The following HNRNPC variants were observed in gnomAD, a reference collection of about 807,000 sequenced individuals.
The protein encoded by HNRNPC is heterogeneous nuclear ribonucleoprotein C, also known as heterogeneous nuclear ribonucleoproteins C1/C2.
A neutral mutation model predicts 33.2 loss-of-function variants in HNRNPC; 3 were observed. That is an observed-to-expected ratio of 0.09 (90% CI 0.04 to 0.23). The LOEUF is 0.23. HNRNPC is among the 10% of genes least tolerant of loss of function. The probability of loss-of-function intolerance (pLI) is 1.00; values close to 1 mark genes in which losing one functional copy is unlikely to be tolerated. For synonymous variants in HNRNPC, 121 were observed against 126.7 expected, an observed-to-expected ratio of 0.96 and a Z score of 0.30; for missense variants, 143 against 366.7, an observed-to-expected ratio of 0.39 and a Z score of 4.98.
rs762054503 is a variant in HNRNPC, at chr14:21,211,570, C to A, written c.638-4G>T. 1.2e-6 allele frequency: 2 copies of A among 1,603,916 alleles called. No individual in the cohort carries two copies. The highest frequency in any genetic ancestry group is 2.7e-5 in the African/African-American group (2 of 74,694). ...GACTTATCATTCTTCATCTCTACTG[C>A]GGATGAGAAGGACAAGTCTGTCTAG... On this transcript the variant is annotated splice_polypyrimidine_tract_variant and splice_region_variant and intron_variant, in intron 7 of 8. Coordinates refer to ENST00000553300, the MANE Select transcript of HNRNPC (RefSeq NM_004500.4).
At chr14:21,218,398 A>C (rs1486915120) in intron 5 of HNRNPC, among the ~76,000 whole-genome samples, 1 of 152,140 alleles carries the variant, frequency 6.6e-6, no homozygotes, top group Non-Finnish European at 1.5e-5. Context: ...AAAAAACTAA[A>C]ATTGAGGCTG....
intron 1 of HNRNPC, chr14:21,268,706 T>C (rs1360963595): frequency 6.6e-6 from 1 of 152,220 alleles, no homozygotes; most frequent in African/African-American, 2.4e-5. Context: ...TTAATATAGT[T>C]ATATCACAAT....
intron 5 of HNRNPC, among the ~76,000 whole-genome samples, chr14:21,225,071 T>C (rs2139577028): frequency 6.6e-6 from 1 of 152,246 alleles, no homozygotes; most frequent in South Asian, 2.1e-4. Context: ...AAGCCTGTTA[T>C]CAAACCTGCC....
chr14:21,256,637 G>T (rs1473639786), intron 2 of HNRNPC, among the ~76,000 whole-genome samples: 1 of 151,920 alleles, frequency 6.6e-6, no homozygotes, highest in Non-Finnish European at 1.5e-5. Flanking sequence ...ATTTTGAAGA[G>T]CTGACAGCAT....
At chr14:21,215,403 G>C (rs927031318) in intron 5 of HNRNPC, among the ~76,000 whole-genome samples, 1 of 152,178 alleles carries the variant, frequency 6.6e-6, no homozygotes, top group South Asian at 2.1e-4. Flanking sequence ...CTATGAGAAA[G>C]CTATACAATA....
Position 21,231,080 on chromosome 14 carries a change from A to G in HNRNPC, c.242-8T>C, listed in dbSNP as rs1841806723. On this transcript the variant is annotated splice_region_variant and splice_polypyrimidine_tract_variant and intron_variant, in intron 3 of 8. Coordinates refer to ENST00000553300, the MANE Select transcript of HNRNPC (RefSeq NM_004500.4). ...CTGCAGCCAGGTTAATATCTGAAAA[A>G]CAAAAGTAAAAATGTTAATGACAAC... 4.3e-6 allele frequency: 7 copies of G among 1,609,398 alleles called. No homozygotes were observed. Among genetic ancestry groups the G allele is most frequent in the African/African-American group, 1.3e-5 (1 of 74,684 alleles).
chr14:21,229,540 C>T (rs899378763), intron 5 of HNRNPC, among the ~76,000 whole-genome samples: 5 of 152,140 alleles, frequency 3.3e-5, no homozygotes, highest in Admixed American at 2.0e-4. Context: ...CTAATGACTA[C>T]GTACCATATT....
chr14:21,251,686 A>G (rs1290238548), intron 2 of HNRNPC, among the ~76,000 whole-genome samples: 6 of 152,206 alleles, frequency 3.9e-5, no homozygotes, highest in Admixed American at 3.9e-4. Context: ...TCAAAAAAAA[A>G]AGACACACGT....
chr14:21,230,328 T>C lies in HNRNPC; in HGVS notation c.356A>G (p.Tyr119Cys), dbSNP rs774834650. 1.1e-5 allele frequency: 17 copies of C among 1,606,278 alleles called. No individual in the cohort carries two copies. The highest frequency in any genetic ancestry group is 1.3e-5 in the African/African-American group (1 of 74,718). Reference sequence around the variant, plus strand: ...AAACATTTTAACATACCTATCATAATAGTCCCGTTGAAAGTCATAGTCCAA... The same window carrying C: ...AAACATTTTAACATACCTATCATAACAGTCCCGTTGAAAGTCATAGTCCAA... ...FDLDYDFQRDYYDRMYSYPAR... is the reference protein window; with the variant it reads ...FDLDYDFQRDCYDRMYSYPAR... Residue 119 changes from tyrosine to cysteine, a missense_variant, in exon 5 of 9, where the codon TAT becomes TGT. Around this residue, in one of 2 missense-constraint regions of HNRNPC, gnomAD observed 131 missense variants for 253.0 expected, o/e 0.52. Transcript: ENST00000553300.
At chr14:21,228,941 C>T (rs920751062) in intron 5 of HNRNPC, among the ~76,000 whole-genome samples, 1 of 151,220 alleles carries the variant, frequency 6.6e-6, no homozygotes, top group Admixed American at 6.6e-5. Context: ...AAAAATTAGC[C>T]GGGAGTGGTG....
chr14:21,244,402 G>A (rs1054802831), intron 2 of HNRNPC, among the ~76,000 whole-genome samples: 1 of 152,186 alleles, frequency 6.6e-6, no homozygotes, highest in Non-Finnish European at 1.5e-5. Context: ...AAAACATCTC[G>A]ATGTAAAAAA....
At chr14:21,229,085 TAAA>T (rs56112804) in intron 5 of HNRNPC, among the ~76,000 whole-genome samples, 8 of 107,830 alleles carry the variant, frequency 7.4e-5, no homozygotes, top group Non-Finnish European at 7.6e-5. Flanking sequence ...ATTCCGTATT[TAAA>T]AAAAAAAAAA....
intron 2 of HNRNPC, among the ~76,000 whole-genome samples, chr14:21,243,239 T>C (rs1024705749): frequency 6.6e-6 from 1 of 152,166 alleles, no homozygotes; most frequent in African/African-American, 2.4e-5. Context: ...TGATAATATT[T>C]TGGTGGCATG....
intron 5 of HNRNPC, among the ~76,000 whole-genome samples, chr14:21,224,958 A>G (rs949099715): frequency 6.6e-6 from 1 of 152,170 alleles, no homozygotes; most frequent in Non-Finnish European, 1.5e-5. Context: ...CATGCACCAC[A>G]TACAAAATGT....
intron 5 of HNRNPC, among the ~76,000 whole-genome samples, chr14:21,213,771 T>C (rs1458960936): frequency 6.6e-6 from 1 of 152,222 alleles, no homozygotes; most frequent in African/African-American, 2.4e-5. Flanking sequence ...GTATCATTTC[T>C]AACTAAATTT....
chr14:21,234,475 G>GA (rs200122070), intron 2 of HNRNPC, among the ~76,000 whole-genome samples: 10 of 150,962 alleles, frequency 6.6e-5, no homozygotes, highest in African/African-American at 1.9e-4. Context: ...AAATTCTCAG[G>GA]AAAAAAAAAT....
At chr14:21,247,724 T>G (rs1421071728) in intron 2 of HNRNPC, among the ~76,000 whole-genome samples, 1 of 150,966 alleles carries the variant, frequency 6.6e-6, no homozygotes, top group South Asian at 2.1e-4. Flanking sequence ...TTGAGGCCAG[T>G]GGAACACTTG....
At chr14:21,263,394 G>A (rs1878513692) in intron 1 of HNRNPC, 58 bp from the exon 2 acceptor site, 1 of 152,484 alleles carries the variant, frequency 6.6e-6, no homozygotes, top group Non-Finnish European at 1.5e-5. Context: ...GTGCAAAAAT[G>A]TCAAGTCAGT....
intron 2 of HNRNPC, among the ~76,000 whole-genome samples, chr14:21,252,810 T>C (rs1896814413): frequency 6.6e-6 from 1 of 152,296 alleles, no homozygotes; most frequent in South Asian, 2.1e-4. Flanking sequence ...CCAAGGATTA[T>C]TAAAGTGAGA....
Sources: gnomAD v4.1 joint callset for allele counts (sites outside exome capture counted in the v4.1 genomes callset) on GRCh38, gnomAD v4.1.1 for gene constraint, gnomAD v4.1.1 regional missense constraint, MANE v1.5 for transcripts, NCBI Gene and HGNC (gene_info 2026-07-23, HGNC 2026-07-21) for gene names.